Variants in MAP3K5 observed in about 807,000 individuals in gnomAD.
MAP3K5 encodes the protein ASK-1.
A neutral mutation model predicts 158.7 loss-of-function variants in MAP3K5; 56 were observed. The observed-to-expected ratio is 0.35, with a 90% CI of 0.28 to 0.44. The LOEUF (loss-of-function observed/expected upper bound fraction) is 0.44, where lower values mean the gene tolerates loss of function less well. Ranked by LOEUF, MAP3K5 falls within the 20% of genes least tolerant of loss-of-function variation. The pLI, the probability that MAP3K5 is intolerant of heterozygous loss-of-function variation, is 1.00. For synonymous variants in MAP3K5, 579 were observed against 601.7 expected (o/e 0.96, Z 0.55); for missense variants, 1,294 against 1,674.8 (o/e 0.77, Z 3.97).
chr6:136,574,683 C>CTTTTTTTTTT (rs1223054758), intron 25 of MAP3K5, among the ~76,000 whole-genome samples: 2 of 108,550 alleles, frequency 1.8e-5, no homozygotes, highest in South Asian at 2.9e-4. Context: ...AGATTAAACA[C>CTTTTTTTTTT]TTTTTTTTTT....
chr6:136,764,498 C>G (rs1783881771), intron 1 of MAP3K5, among the ~76,000 whole-genome samples: 1 of 152,150 alleles, frequency 6.6e-6, no homozygotes, highest in African/African-American at 2.4e-5. Context: ...TGGGAATGAA[C>G]CTTATTGGAT....
At chr6:136,677,587 C>T (rs757829091) in intron 7 of MAP3K5, among the ~76,000 whole-genome samples, 4 of 152,206 alleles carry the variant, frequency 2.6e-5, no homozygotes, top group Non-Finnish European at 5.9e-5. Flanking sequence ...CTCTGCTCCA[C>T]ATTGTCTTCC....
intron 1 of MAP3K5, among the ~76,000 whole-genome samples, chr6:136,749,489 C>T (rs1582636162): frequency 6.6e-6 from 1 of 152,016 alleles, no homozygotes; most frequent in African/African-American, 2.4e-5. Flanking sequence ...AATATGACTC[C>T]AATATCTCAG....
At chr6:136,597,196 C>A (rs1030549480) in intron 21 of MAP3K5, among the ~76,000 whole-genome samples, 1 of 152,158 alleles carries the variant, frequency 6.6e-6, no homozygotes, top group Non-Finnish European at 1.5e-5. Flanking sequence ...AGCCCCATAT[C>A]CCCTAAGAGA....
At chr6:136,587,627 T>A (rs1775196547) in intron 23 of MAP3K5, among the ~76,000 whole-genome samples, 1 of 152,182 alleles carries the variant, frequency 6.6e-6, no homozygotes, top group African/African-American at 2.4e-5. Context: ...CAGGACCTGT[T>A]CTACCACTGA....
chr6:136,619,484 G>C (rs1264372284), intron 15 of MAP3K5, among the ~76,000 whole-genome samples: 2 of 152,192 alleles, frequency 1.3e-5, no homozygotes, highest in Admixed American at 1.3e-4. Context: ...GGGAGGTACA[G>C]AGATTTCCCA....
chr6:136,723,534 C>T (rs1385264860), intron 1 of MAP3K5, among the ~76,000 whole-genome samples: 2 of 152,096 alleles, frequency 1.3e-5, no homozygotes, highest in African/African-American at 4.8e-5. Flanking sequence ...TTTATATCTT[C>T]TATATTTCCC....
chr6:136,573,640 G>C (rs892931134), intron 25 of MAP3K5, among the ~76,000 whole-genome samples: 1 of 152,150 alleles, frequency 6.6e-6, no homozygotes, highest in Admixed American at 6.5e-5. Context: ...CTGGGGGAGG[G>C]GAGCCTTGGC....
chr6:136,642,071 AAAATAAAATAAAATAAAATAAAATT>A (rs1777997771), intron 12 of MAP3K5, among the ~76,000 whole-genome samples: 1 of 143,514 alleles, frequency 7.0e-6, no homozygotes, highest in East Asian at 1.9e-4. Flanking sequence ...AAAATAAAAT[AAAATAAAATAAAATAAAATAAAATT>A]AGTGGCAGGA....
intron 1 of MAP3K5, among the ~76,000 whole-genome samples, chr6:136,734,295 C>T (rs935215647): frequency 6.6e-6 from 1 of 151,878 alleles, no homozygotes; most frequent in Non-Finnish European, 1.5e-5. Flanking sequence ...TGACACACAC[C>T]TGTAATCCCA....
At chr6:136,705,184 T>C (rs769323150) in intron 2 of MAP3K5, 51 bp from the exon 3 acceptor site, 1 of 838,548 alleles carries the variant, frequency 1.2e-6, no homozygotes, top group East Asian at 2.9e-5. Context: ...AACTGAATAA[T>C]TCAACAACAT....
At chr6:136,617,517 C>T (rs1282963346) in intron 15 of MAP3K5, among the ~76,000 whole-genome samples, 1 of 152,180 alleles carries the variant, frequency 6.6e-6, no homozygotes, top group Non-Finnish European at 1.5e-5. Context: ...ATTTACATCT[C>T]CTAGAGGGCT....
chr6:136,729,104 A>G (rs1392105969), intron 1 of MAP3K5, among the ~76,000 whole-genome samples: 1 of 152,212 alleles, frequency 6.6e-6, no homozygotes, highest in Non-Finnish European at 1.5e-5. Context: ...GTGAAGGCAG[A>G]GAAAGCACAC....
At chr6:136,582,570 C>A (rs373019432) in intron 24 of MAP3K5, among the ~76,000 whole-genome samples, 1 of 152,094 alleles carries the variant, frequency 6.6e-6, no homozygotes, top group Admixed American at 6.6e-5. Context: ...TTGTCCCTGC[C>A]CACAATATAG....
intron 1 of MAP3K5, among the ~76,000 whole-genome samples, chr6:136,740,020 C>A (rs1046250432): frequency 1.3e-5 from 2 of 152,182 alleles, no homozygotes; most frequent in East Asian, 1.9e-4. Flanking sequence ...GGGGCTTCCA[C>A]AGGATGAAGA....
chr6:136,624,270 G>A (rs1329694610), intron 14 of MAP3K5, among the ~76,000 whole-genome samples: 2 of 152,192 alleles, frequency 1.3e-5, no homozygotes, highest in South Asian at 2.1e-4. Flanking sequence ...CTATGAAGAG[G>A]GCAATGATCA....
At chr6:136,750,651 T>G (rs1057137974) in intron 1 of MAP3K5, among the ~76,000 whole-genome samples, 1 of 152,264 alleles carries the variant, frequency 6.6e-6, no homozygotes, top group Non-Finnish European at 1.5e-5. Context: ...AAAGCATTTC[T>G]GAATCTAGAT....
At chr6:136,728,738 C>T (rs1562651051) in intron 1 of MAP3K5, among the ~76,000 whole-genome samples, 3 of 152,184 alleles carry the variant, frequency 2.0e-5, no homozygotes. Context: ...CTAACCTCCC[C>T]AACCCAGCCC....
chr6:136,630,736 C>A (rs746965877), intron 14 of MAP3K5, among the ~76,000 whole-genome samples: 44 of 152,178 alleles, frequency 2.9e-4, no homozygotes, highest in Non-Finnish European at 6.2e-4. Context: ...AAAGTCTTAA[C>A]CCTCTTTCTT....
Sources: allele counts gnomAD v4.1 joint callset (sites outside exome capture counted in the v4.1 genomes callset), GRCh38; gene constraint gnomAD v4.1.1; transcripts MANE v1.5; gene names NCBI Gene and HGNC (gene_info 2026-07-23, HGNC 2026-07-21).